KCTD8: variants seen among roughly 807,000 people sequenced by gnomAD.
KCTD8 encodes the protein potassium channel tetramerization domain containing 8.
A neutral mutation model predicts 31.5 loss-of-function variants in KCTD8; 27 were observed. That is an observed-to-expected ratio of 0.86 (90% CI 0.63 to 1.18). The LOEUF (loss-of-function observed/expected upper bound fraction) is 1.18. KCTD8 is among the 50% of genes most tolerant of loss of function. The pLI is 0.00. For missense variants in KCTD8, 658 were observed against 647.7 expected, an observed-to-expected ratio of 1.02 and a Z score of -0.17; for synonymous variants, 290 against 280.0, an observed-to-expected ratio of 1.04 and a Z score of -0.36.
intron 1 of KCTD8, among the ~76,000 whole-genome samples, chr4:44,377,723 T>C (rs1256641493): frequency 2.0e-5 from 3 of 152,200 alleles, no homozygotes; most frequent in Admixed American, 1.3e-4. Flanking sequence ...CTTTTTATTA[T>C]CCTGTAGGTA....
chr4:44,385,942 C>T (rs1720200248), intron 1 of KCTD8, among the ~76,000 whole-genome samples: 1 of 151,396 alleles, frequency 6.6e-6, no homozygotes, highest in Admixed American at 6.6e-5. Context: ...TTGATAAGCA[C>T]ATGAAAAGAT....
intron 1 of KCTD8, among the ~76,000 whole-genome samples, chr4:44,323,220 A>G (rs1718344786): frequency 6.6e-6 from 1 of 152,012 alleles, no homozygotes; most frequent in Non-Finnish European, 1.5e-5. Flanking sequence ...GTGGCCAGGC[A>G]CGGTGGCTCA....
intron 1 of KCTD8, among the ~76,000 whole-genome samples, chr4:44,423,816 G>A (rs1721281266): frequency 6.6e-6 from 1 of 152,096 alleles, no homozygotes; most frequent in African/African-American, 2.4e-5. Context: ...TTCCCATTCT[G>A]AAGTTACATA....
chr4:44,193,797 T>G (rs2109335936), intron 1 of KCTD8, among the ~76,000 whole-genome samples: 1 of 152,308 alleles, frequency 6.6e-6, no homozygotes, highest in African/African-American at 2.4e-5. Flanking sequence ...GTTGTTTCAC[T>G]GTTAGGTTGC....
intron 1 of KCTD8, among the ~76,000 whole-genome samples, chr4:44,402,149 A>G (rs938529418): frequency 3.3e-5 from 5 of 152,180 alleles, no homozygotes; most frequent in Admixed American, 6.5e-5. Flanking sequence ...GCTGGAGAAC[A>G]ACAACTGAAT....
chr4:44,356,327 C>T lies in KCTD8; in HGVS notation c.961+91236G>A, dbSNP rs183885046. Among the ~76,000 whole-genome samples the T allele has an allele frequency of 3.1e-3, 474 of 152,228 alleles. 8 individuals are homozygous for T. Among genetic ancestry groups the T allele is most frequent in the Non-Finnish European group, 8.4e-4 (57 of 68,016 alleles). On this transcript the variant is annotated intron_variant, in intron 1 of 1. Transcript: ENST00000360029. ...TGGTCTCTCTTGTACTTCTTTGAAT[C>T]ATTTATTCTTTTGTGGCAAAATAAA...
chr4:44,418,430 C>G (rs1377013513), intron 1 of KCTD8, among the ~76,000 whole-genome samples: 6 of 151,988 alleles, frequency 3.9e-5, no homozygotes, highest in Non-Finnish European at 8.8e-5. Context: ...ATTCAAATAT[C>G]TTTCTAACCA....
chr4:44,355,346 G>T (rs1719315657), intron 1 of KCTD8, among the ~76,000 whole-genome samples: 1 of 152,052 alleles, frequency 6.6e-6, no homozygotes, highest in African/African-American at 2.4e-5. Flanking sequence ...TTTTTCAGGA[G>T]TTAGTGAGAT....
intron 1 of KCTD8, among the ~76,000 whole-genome samples, chr4:44,329,819 A>G (rs1466807917): frequency 6.6e-6 from 1 of 152,008 alleles, no homozygotes; most frequent in African/African-American, 2.4e-5. Context: ...AATTCTTGGA[A>G]TAGTCTTTTT....
In KCTD8 at chr4:44,273,614, G is replaced by T. The variant is rs541696858; in HGVS notation, c.962-98364C>A. ...AAGAAAAATTTTCCTAAATTAAATT[G>T]CCAGAATACTTTATAAATGGTCATT... On this transcript the variant is annotated intron_variant, in intron 1 of 1. Coordinates refer to ENST00000360029, the MANE Select transcript of KCTD8 (RefSeq NM_198353.3). Among the ~76,000 whole-genome samples the T allele has an allele frequency of 8.6e-5, 13 of 151,958 alleles. No homozygotes were observed. In the East Asian group the frequency reaches 2.5e-3, roughly 29 times the overall value.
intron 1 of KCTD8, among the ~76,000 whole-genome samples, chr4:44,328,031 T>C (rs1453774750): frequency 6.6e-6 from 1 of 151,888 alleles, no homozygotes; most frequent in African/African-American, 2.4e-5. Context: ...TTCTCTCACA[T>C]CAAATACTAA....
chr4:44,309,059 A>G (rs1717881182), intron 1 of KCTD8, among the ~76,000 whole-genome samples: 1 of 152,152 alleles, frequency 6.6e-6, no homozygotes, highest in South Asian at 2.1e-4. Context: ...TATTTAAAAC[A>G]GAGTCTCACT....
intron 1 of KCTD8, among the ~76,000 whole-genome samples, chr4:44,284,211 G>C (rs1468787006): frequency 6.6e-6 from 1 of 152,064 alleles, no homozygotes. Flanking sequence ...AACGCATCAT[G>C]TTACCTGACT....
intron 1 of KCTD8, among the ~76,000 whole-genome samples, chr4:44,233,271 C>G (rs1341782897): frequency 1.3e-5 from 2 of 152,014 alleles, no homozygotes; most frequent in Non-Finnish European, 2.9e-5. Flanking sequence ...TATTTTCTGC[C>G]TTTTTAGTAT....
rs761252090 is a variant in KCTD8 at position 44,448,100 on chromosome 4, A to G, written c.424T>C (p.Leu142=). Residue 142 remains leucine (L), a synonymous_variant, in exon 1 of 2, where the codon TTG becomes CTG. Transcript: ENST00000360029. This position sits in a 1 kb window ranked among gnomAD's most constrained non-coding sequence, Gnocchi z 4.1. ...ACCTTGGGCGACAGCAGCTTGACCA[A>G]GTCGGTGAGCTGGAAATACTCGGCC... The part of the protein sequence containing the change: ...REAEYFQLTD[L]VKLLSPKVTK... The G allele has an allele frequency of 6.2e-6, 10 of 1,612,452 alleles. 2 individuals are homozygous for G. The South Asian group carries it at 1.1e-4, about 18-fold the overall frequency.
chr4:44,222,791 G>T (rs542368610), intron 1 of KCTD8, among the ~76,000 whole-genome samples: 1 of 152,310 alleles, frequency 6.6e-6, no homozygotes, highest in East Asian at 1.9e-4. Flanking sequence ...AAAGAGCTGG[G>T]CAGGAAGAAG....
At chr4:44,313,190 A>T (rs558166904) in intron 1 of KCTD8, among the ~76,000 whole-genome samples, 1 of 152,330 alleles carries the variant, frequency 6.6e-6, no homozygotes, top group South Asian at 2.1e-4. Context: ...ATTAGCTCCT[A>T]TCAGAGCAAG....
intron 1 of KCTD8, among the ~76,000 whole-genome samples, chr4:44,345,373 C>T (rs1719010904): frequency 6.6e-6 from 1 of 151,920 alleles, no homozygotes; most frequent in Non-Finnish European, 1.5e-5. Context: ...GAATAAACTG[C>T]CCCCAAAAAT....
intron 1 of KCTD8, among the ~76,000 whole-genome samples, chr4:44,348,129 T>C (rs944679898): frequency 2.0e-5 from 3 of 152,136 alleles, no homozygotes; most frequent in Non-Finnish European, 2.9e-5. Flanking sequence ...ATAATTAAAA[T>C]GACTGTATTA....
Sources: gnomAD v4.1 joint callset for allele counts (sites outside exome capture counted in the v4.1 genomes callset) on GRCh38, gnomAD v4.1.1 for gene constraint, Gnocchi (gnomAD v3.1) non-coding constraint, MANE v1.5 for transcripts, NCBI Gene and HGNC (gene_info 2026-07-23, HGNC 2026-07-21) for gene names.